The following GMDS variants were observed in gnomAD, a reference collection of about 807,000 sequenced individuals.
GMDS encodes GDP-mannose 4,6 dehydratase.
GMDS carries 20 observed loss-of-function variants against 49.9 expected under a neutral mutation model. The observed-to-expected ratio is 0.40, with a 90% CI of 0.28 to 0.58. The LOEUF (loss-of-function observed/expected upper bound fraction) is 0.58, where lower values mean the gene tolerates loss of function less well. Ranked by LOEUF, GMDS falls within the 20% of genes least tolerant of loss-of-function variation. GMDS has a pLI of 0.42. For missense variants in GMDS, 362 were observed against 481.4 expected (o/e 0.75, Z 2.32); for synonymous variants, 177 against 178.6 (o/e 0.99, Z 0.07).
intron 1 of GMDS, among the ~76,000 whole-genome samples, chr6:2,227,322 T>C (rs1425116453): frequency 6.6e-6 from 1 of 152,218 alleles, no homozygotes; most frequent in Non-Finnish European, 1.5e-5. Flanking sequence ...AACAGCCAGC[T>C]CCAAGTTCTA....
intron 8 of GMDS, among the ~76,000 whole-genome samples, chr6:1,737,634 C>T (rs1019986364): frequency 5.5e-5 from 8 of 145,306 alleles, no homozygotes; most frequent in Non-Finnish European, 9.0e-5. Context: ...CAGATACACA[C>T]GCACACATAC....
intron 1 of GMDS, among the ~76,000 whole-genome samples, chr6:2,174,598 T>G (rs1462091143): frequency 6.6e-6 from 1 of 152,084 alleles, no homozygotes; most frequent in Non-Finnish European, 1.5e-5. Context: ...GACGGAGTCT[T>G]GCTCTGTCAC....
At chr6:1,797,779 A>G (rs1164038319) in intron 7 of GMDS, among the ~76,000 whole-genome samples, 2 of 152,218 alleles carry the variant, frequency 1.3e-5, no homozygotes, top group Non-Finnish European at 2.9e-5. Context: ...GACACCATTC[A>G]CATAAATACA....
intron 4 of GMDS, among the ~76,000 whole-genome samples, chr6:1,966,538 C>T (rs1764268664): frequency 6.6e-6 from 1 of 152,166 alleles, no homozygotes; most frequent in South Asian, 2.1e-4. Context: ...TCTACCAGGT[C>T]CCCTGCACCC....
chr6:1,800,684 G>A (rs1581196680), intron 7 of GMDS, among the ~76,000 whole-genome samples: 1 of 149,846 alleles, frequency 6.7e-6, no homozygotes, highest in African/African-American at 2.5e-5. Context: ...GGCTGGTCTT[G>A]AACTCCTGAC....
chr6:1,715,581 A>G (rs1185419460), intron 9 of GMDS, among the ~76,000 whole-genome samples: 1 of 152,230 alleles, frequency 6.6e-6, no homozygotes, highest in African/African-American at 2.4e-5. Context: ...ACACTTGTGC[A>G]GGGTCTTGTA....
intron 1 of GMDS, among the ~76,000 whole-genome samples, chr6:2,233,695 C>T (rs182292771): frequency 2.0e-5 from 3 of 152,270 alleles, no homozygotes; most frequent in Admixed American, 2.0e-4. Flanking sequence ...TGGCAGGCAC[C>T]TGTAGTCCCA....
chr6:2,101,249 T>C (rs914857264), intron 4 of GMDS, among the ~76,000 whole-genome samples: 4 of 151,676 alleles, frequency 2.6e-5, no homozygotes, highest in African/African-American at 9.7e-5. Flanking sequence ...TCCCAAGTGA[T>C]AGAACTTGGG....
At chr6:1,776,149 T>C (rs7745817) in intron 7 of GMDS, among the ~76,000 whole-genome samples, 69,087 of 151,580 alleles carry the variant, frequency 0.46, 16,840 homozygotes, top group African/African-American at 0.62. Flanking sequence ...GAGTTGACTA[T>C]ACACCAGGCT....
rs914510409 is a variant in GMDS, at chr6:1,833,235, C to T, written c.772-90649G>A. ...GGGGAATTGGCCAAATGTCGTCTCC[C>T]GCTGGGCTTCAATGCCAAAACTACA... On this transcript the variant is annotated intron_variant, in intron 7 of 10. Coordinates refer to ENST00000380815, the MANE Select transcript of GMDS (RefSeq NM_001500.4). The surrounding 1 kb of genome is among the most constrained non-coding windows in gnomAD (Gnocchi z 4.4). Among the ~76,000 whole-genome samples, 4 of 151,658 alleles carry T rather than the reference C, an allele frequency of 2.6e-5. No individual in the cohort carries two copies. The highest frequency in any genetic ancestry group is 3.4e-3 in the Middle Eastern group (1 of 294).
At chr6:1,920,327 C>T (rs1353457155) in intron 7 of GMDS, among the ~76,000 whole-genome samples, 2 of 152,102 alleles carry the variant, frequency 1.3e-5, no homozygotes, top group Non-Finnish European at 2.9e-5. Flanking sequence ...TCTGCAAAGA[C>T]AAAACATGTA....
At chr6:1,987,174 T>G (rs1454285158) in intron 4 of GMDS, among the ~76,000 whole-genome samples, 1 of 152,200 alleles carries the variant, frequency 6.6e-6, no homozygotes, top group Non-Finnish European at 1.5e-5. Context: ...CAGAGAACAT[T>G]AGTATGAAGA....
intron 9 of GMDS, among the ~76,000 whole-genome samples, chr6:1,705,916 C>T (rs1234307036): frequency 2.6e-5 from 4 of 152,108 alleles, no homozygotes; most frequent in African/African-American, 9.7e-5. Flanking sequence ...AGAAGGGTGG[C>T]GGCGCAGCAG....
chr6:2,213,551 T>C (rs3778566), intron 1 of GMDS, among the ~76,000 whole-genome samples: 28,023 of 152,050 alleles, frequency 0.18, 2,766 homozygotes, highest in South Asian at 0.29. Context: ...TCTACTATAG[T>C]TTGGGGTGAA....
rs146978497 is a variant in GMDS, at chr6:2,079,401, G to T, written c.345+36370C>A. The stretch of plus-strand genomic sequence containing the variant: ...TTTGGTTTGGTGGTTTTCCGTACAG[G>T]TACCATTTAATTACTTTCCCTTATT... On this transcript the variant is annotated intron_variant, in intron 4 of 10. Transcript: ENST00000380815. 4.9e-3 allele frequency among the ~76,000 whole-genome samples: 738 copies of T among 151,904 alleles called. 9 individuals carry two copies. The highest frequency in any genetic ancestry group is 0.017 in the African/African-American group (701 of 41,440).
At position 1,962,087 on chromosome 6, in the gene GMDS, A is replaced by G. The variant is rs1288722582; in HGVS notation, c.346-1121T>C. Among the ~76,000 whole-genome samples the G allele has an allele frequency of 2.0e-5, 3 of 152,368 alleles. No homozygotes were observed. In the South Asian group the frequency reaches 6.2e-4, roughly 32 times the overall value. ...TCTAATAACAGTTCATTAAGATATAATTCACACCCATAAAATTCACCCTTT... is the reference window on the plus strand; with the variant it reads ...TCTAATAACAGTTCATTAAGATATAGTTCACACCCATAAAATTCACCCTTT... On this transcript the variant is annotated intron_variant, in intron 4 of 10. Coordinates refer to ENST00000380815, the MANE Select transcript of GMDS (RefSeq NM_001500.4).
At chr6:1,851,864 G>A (rs1757688055) in intron 7 of GMDS, among the ~76,000 whole-genome samples, 1 of 152,132 alleles carries the variant, frequency 6.6e-6, no homozygotes, top group Non-Finnish European at 1.5e-5. Flanking sequence ...CTTTCCAAAC[G>A]ACAGGCTCCA....
chr6:1,817,462 C>CT (rs886671257), intron 7 of GMDS, among the ~76,000 whole-genome samples: 1 of 152,022 alleles, frequency 6.6e-6, no homozygotes, highest in Non-Finnish European at 1.5e-5. Context: ...GAAATCTTTT[C>CT]TTTTTTAAGT....
intron 7 of GMDS, among the ~76,000 whole-genome samples, chr6:1,911,605 G>C (rs909818181): frequency 6.6e-6 from 1 of 151,244 alleles, no homozygotes; most frequent in Non-Finnish European, 1.5e-5. Flanking sequence ...GCAATCATGA[G>C]AGTATGATAT....
Sources: allele counts gnomAD v4.1 joint callset (sites outside exome capture counted in the v4.1 genomes callset), GRCh38; gene constraint gnomAD v4.1.1; non-coding constraint Gnocchi (gnomAD v3.1); transcripts MANE v1.5; gene names NCBI Gene and HGNC (gene_info 2026-07-23, HGNC 2026-07-21).